Variants in RNF144A observed in about 807,000 individuals in gnomAD.
The protein encoded by RNF144A is ring finger protein 144A.
A neutral mutation model predicts 38.7 loss-of-function variants in RNF144A; 11 were observed. The observed-to-expected ratio is 0.28, with a 90% CI of 0.18 to 0.47. The LOEUF (loss-of-function observed/expected upper bound fraction) is 0.47, where lower values mean the gene tolerates loss of function less well. Among genes scored for constraint, RNF144A ranks in the 20% least tolerant of loss-of-function variants. The pLI is 0.99. For missense variants in RNF144A, 316 were observed against 377.2 expected (o/e 0.84, Z 1.34); for synonymous variants, 149 against 143.9 (o/e 1.04, Z -0.25).
intron 3 of RNF144A, among the ~76,000 whole-genome samples, chr2:7,005,494 G>A (rs962302995): frequency 2.0e-5 from 3 of 152,182 alleles, no homozygotes; most frequent in African/African-American, 7.2e-5. Flanking sequence ...GGGTGCAAAG[G>A]ATGAGTTCCA....
chr2:7,002,099 T>C (rs1395588295), intron 3 of RNF144A, among the ~76,000 whole-genome samples: 1 of 152,230 alleles, frequency 6.6e-6, no homozygotes, highest in Non-Finnish European at 1.5e-5. Flanking sequence ...CTTCTGATTG[T>C]GTAACATATT....
chr2:6,994,546 A>G (rs1158633206), intron 2 of RNF144A, among the ~76,000 whole-genome samples: 1 of 152,066 alleles, frequency 6.6e-6, no homozygotes. Flanking sequence ...GGTGTAGAGA[A>G]ATGATCCAAA....
chr2:6,932,782 A>C (rs568107601), intron 1 of RNF144A, among the ~76,000 whole-genome samples: 1 of 152,308 alleles, frequency 6.6e-6, no homozygotes, highest in East Asian at 1.9e-4. Flanking sequence ...ATTTTAAACA[A>C]TACTCAATCA....
Position 6,941,915 on chromosome 2 carries a change from G to A in RNF144A, c.-12+768G>A, listed in dbSNP as rs1041612195. Among the ~76,000 whole-genome samples the A allele has an allele frequency of 3.3e-5, 5 of 152,250 alleles. No individual in the cohort carries two copies. The highest frequency in any genetic ancestry group is 7.2e-5 in the African/African-American group (3 of 41,478). ...AGAGCTGTGAGCTGGGACTGGGCAGGGCATAGTGGGACCTGGCTGTGCCTG... is the reference window on the plus strand; with the variant it reads ...AGAGCTGTGAGCTGGGACTGGGCAGAGCATAGTGGGACCTGGCTGTGCCTG... On this transcript the variant is annotated intron_variant, in intron 2 of 8. Transcript: ENST00000320892. The surrounding 1 kb of genome is among the most constrained non-coding windows in gnomAD (Gnocchi z 6.5).
At chr2:7,018,437 G>T (rs187451117) in intron 5 of RNF144A, among the ~76,000 whole-genome samples, 1 of 152,324 alleles carries the variant, frequency 6.6e-6, no homozygotes, top group East Asian at 1.9e-4. Flanking sequence ...TCGCGGGGAC[G>T]GGATGGGAGC....
chr2:6,929,628 A>C (rs1665084470), intron 1 of RNF144A, among the ~76,000 whole-genome samples: 1 of 152,182 alleles, frequency 6.6e-6, no homozygotes. Flanking sequence ...AATGGCAAAA[A>C]CCCTCAGCTG....
chr2:7,023,077 C>T (rs1671643072), intron 6 of RNF144A, among the ~76,000 whole-genome samples: 1 of 152,138 alleles, frequency 6.6e-6, no homozygotes, highest in Non-Finnish European at 1.5e-5. Flanking sequence ...ATGCTATTAG[C>T]CTTATTCATC....
intron 8 of RNF144A, among the ~76,000 whole-genome samples, chr2:7,031,348 G>A (rs1022173908): frequency 5.9e-5 from 9 of 152,316 alleles, no homozygotes; most frequent in East Asian, 1.9e-4. Context: ...GTCCTTCTAC[G>A]GAACTACGTT....
chr2:7,069,250 C>T (rs1160355066), downstream of RNF144A, among the ~76,000 whole-genome samples: 2 of 152,188 alleles, frequency 1.3e-5, no homozygotes, highest in Admixed American at 6.5e-5. Context: ...CCAGGAGGAC[C>T]GTGCCACAGC....
intron 6 of RNF144A, among the ~76,000 whole-genome samples, chr2:7,066,161 C>T (rs780007956): frequency 6.6e-6 from 1 of 151,906 alleles, no homozygotes; most frequent in Admixed American, 6.6e-5. Context: ...GATCTCGGCT[C>T]ACTACAAGCT....
chr2:7,017,873 G>C (rs991827942), intron 5 of RNF144A, among the ~76,000 whole-genome samples: 1 of 152,220 alleles, frequency 6.6e-6, no homozygotes, highest in Non-Finnish European at 1.5e-5. Context: ...GCGGCCGTTT[G>C]TCCCTGACCT....
At chr2:6,925,637 A>T (rs1248473822) in intron 1 of RNF144A, among the ~76,000 whole-genome samples, 2 of 152,058 alleles carry the variant, frequency 1.3e-5, no homozygotes, top group African/African-American at 4.8e-5. Flanking sequence ...CAGGTAGATG[A>T]TTCTCTCTGA....
the RNF144A span, among the ~76,000 whole-genome samples, chr2:7,074,887 T>C: frequency 6.6e-6 from 1 of 152,214 alleles, no homozygotes; most frequent in African/African-American, 2.4e-5. Context: ...TTGAACGAGA[T>C]GGGATTGAGT....
chr2:7,060,087 TC>T (rs1328616744), intron 6 of RNF144A, among the ~76,000 whole-genome samples: 1 of 152,186 alleles, frequency 6.6e-6, no homozygotes. Flanking sequence ...GTTTCAGCCA[TC>T]AGAATGAATC....
At chr2:6,924,049 G>A (rs1664710744) in intron 1 of RNF144A, among the ~76,000 whole-genome samples, 1 of 152,326 alleles carries the variant, frequency 6.6e-6, no homozygotes, top group East Asian at 1.9e-4. Context: ...AATGGAATTC[G>A]AGTGTAAATT....
At chr2:6,990,670 T>G (rs1669306807) in intron 2 of RNF144A, among the ~76,000 whole-genome samples, 1 of 151,896 alleles carries the variant, frequency 6.6e-6, no homozygotes, top group South Asian at 2.1e-4. Context: ...GGCTTCTGCA[T>G]ACAAATTTGC....
chr2:7,013,369 A>G (rs887093935), intron 3 of RNF144A, among the ~76,000 whole-genome samples: 1 of 152,214 alleles, frequency 6.6e-6, no homozygotes, highest in Non-Finnish European at 1.5e-5. Flanking sequence ...ATAATCATGC[A>G]TTCTTGTAAT....
In RNF144A at chr2:7,043,049, G is replaced by T; in HGVS notation, c.*3289G>T. 3.9e-6 allele frequency: 2 copies of T among 507,994 alleles called. No individual in the cohort carries two copies. Among genetic ancestry groups the T allele is most frequent in the Non-Finnish European group, 2.5e-6 (1 of 394,040 alleles). 31.5% of individuals were successfully genotyped at this position (507,994 alleles called of 1,614,324 possible). ...CACCCAGCTAATTTTTGTATTTTCA[G>T]TAGAGACGGGGTTTCACCATGTTGG... On this transcript the variant is annotated 3_prime_UTR_variant, in exon 9 of 9. Coordinates refer to ENST00000320892, the MANE Select transcript of RNF144A (RefSeq NM_014746.6).
chr2:7,071,928 C>T (rs1367974335), downstream of RNF144A, among the ~76,000 whole-genome samples: 3 of 152,216 alleles, frequency 2.0e-5, no homozygotes, highest in Non-Finnish European at 2.9e-5. Flanking sequence ...GGAAGAAATT[C>T]CTCCTGGAAC....
Sources: gnomAD v4.1 joint callset for allele counts (sites outside exome capture counted in the v4.1 genomes callset) on GRCh38, gnomAD v4.1.1 for gene constraint, Gnocchi (gnomAD v3.1) non-coding constraint, MANE v1.5 for transcripts, NCBI Gene and HGNC (gene_info 2026-07-23, HGNC 2026-07-21) for gene names.